Variants in OTOGL observed in about 807,000 individuals in gnomAD.
OTOGL encodes otogelin like.
A neutral mutation model predicts 318.5 loss-of-function variants in OTOGL; 285 were observed. The ratio of observed to expected loss-of-function variants is 0.89; its 90% CI spans 0.81 to 0.99. The LOEUF (loss-of-function observed/expected upper bound fraction) is 0.99, where lower values mean the gene tolerates loss of function less well. OTOGL is among the 50% of genes least tolerant of loss of function. OTOGL has a pLI of 0.00. For missense variants in OTOGL, 2,899 were observed against 2,845.6 expected (o/e 1.02, Z -0.43); for synonymous variants, 987 against 936.5 (o/e 1.05, Z -0.99).
chr12:80,312,897 C>T (rs1452798177), intron 30 of OTOGL, among the ~76,000 whole-genome samples: 9 of 152,074 alleles, frequency 5.9e-5, no homozygotes, highest in African/African-American at 1.9e-4. Context: ...CTGCAACCTC[C>T]GCCTCCCGGG....
intron 1 of OTOGL, among the ~76,000 whole-genome samples, chr12:80,146,917 T>TG (rs1872414057): frequency 2.3e-5 from 1 of 44,040 alleles, no homozygotes; most frequent in African/African-American, 9.3e-5. Context: ...CCTTTTATCA[T>TG]TTTTTATTGT....
intron 11 of OTOGL, among the ~76,000 whole-genome samples, chr12:80,249,936 G>A (rs12313864): frequency 0.045 from 6,777 of 151,698 alleles, 518 homozygotes; most frequent in African/African-American, 0.16. Context: ...TTCCAGGTGC[G>A]TCCGTCAGCC....
At chr12:80,126,586 G>A (rs1017411441) in intron 1 of OTOGL, among the ~76,000 whole-genome samples, 25 of 152,104 alleles carry the variant, frequency 1.6e-4, no homozygotes, top group Non-Finnish European at 3.4e-4. Flanking sequence ...TTCAATTCCT[G>A]GGTATCCTTG....
chr12:80,279,058 A>G lies in OTOGL; in HGVS notation c.2820A>G (p.Thr940=). The change falls in exon 26 of 59, where the codon ACA becomes ACG. Residue 940 remains threonine (T), a synonymous_variant. Transcript: ENST00000547103. ...GTCGACGAGGAATGTTCAATTGCACATATTATCCATGCCCAGCAGTGTGCA... is the reference window on the plus strand; with the variant it reads ...GTCGACGAGGAATGTTCAATTGCACGTATTATCCATGCCCAGCAGTGTGCA... ...CVCRRGMFNC[T]YYPCPAVCTI... 1.9e-6 allele frequency: 3 copies of G among 1,595,464 alleles called. No homozygotes were observed. Among genetic ancestry groups the G allele is most frequent in the Admixed American group, 1.7e-5 (1 of 59,700 alleles).
intron 1 of OTOGL, among the ~76,000 whole-genome samples, chr12:80,146,747 G>A (rs1303981747): frequency 2.6e-5 from 4 of 151,494 alleles, no homozygotes; most frequent in Non-Finnish European, 5.9e-5. Context: ...CCTGTTATTG[G>A]TCTATTCAGA....
chr12:80,271,472 C>A (rs904335919), intron 23 of OTOGL, among the ~76,000 whole-genome samples, 176 bp from the exon 24 acceptor site: 6 of 151,914 alleles, frequency 3.9e-5, no homozygotes, highest in Non-Finnish European at 7.4e-5. Flanking sequence ...ATAAAAATAT[C>A]TTGTTTTTTG....
intron 13 of OTOGL, 85 bp downstream of exon 13, chr12:80,252,286 C>T (rs892073241): frequency 1.4e-6 from 2 of 1,396,678 alleles, no homozygotes; most frequent in Non-Finnish European, 1.9e-6. Context: ...TTTTGCTGTC[C>T]TTTCCCAGTA....
intron 1 of OTOGL, among the ~76,000 whole-genome samples, chr12:80,191,727 G>C (rs184303840): frequency 6.6e-6 from 1 of 152,314 alleles, no homozygotes. Context: ...CATTGTAACA[G>C]AAAGAATGAT....
At chr12:80,307,381 C>A in intron 29 of OTOGL, among the ~76,000 whole-genome samples, 1 of 149,762 alleles carries the variant, frequency 6.7e-6, no homozygotes, top group East Asian at 2.0e-4. Flanking sequence ...CCAGTAGGCG[C>A]GGCCGGGCAG....
intron 1 of OTOGL, among the ~76,000 whole-genome samples, chr12:80,116,565 C>A (rs1364390735): frequency 2.0e-5 from 3 of 152,122 alleles, no homozygotes; most frequent in Non-Finnish European, 4.4e-5. Context: ...TTACAACCAA[C>A]CTTTGTTGAG....
At chr12:80,321,513 C>T (rs1408402637) in intron 34 of OTOGL, among the ~76,000 whole-genome samples, 1 of 152,020 alleles carries the variant, frequency 6.6e-6, no homozygotes, top group Non-Finnish European at 1.5e-5. Context: ...CAACATCGCA[C>T]ATGTATACAT....
At chr12:80,321,446 A>T (rs969197131) in intron 34 of OTOGL, among the ~76,000 whole-genome samples, 5 of 152,196 alleles carry the variant, frequency 3.3e-5, no homozygotes, top group African/African-American at 9.6e-5. Flanking sequence ...TTTAAACAGT[A>T]CAAATTGAGC....
chr12:80,337,472 A>T (rs914606233), intron 42 of OTOGL, among the ~76,000 whole-genome samples: 5 of 152,144 alleles, frequency 3.3e-5, no homozygotes, highest in African/African-American at 4.8e-5. Flanking sequence ...TAGCTAACAT[A>T]AGAAAAATAT....
At chr12:80,104,318 A>G (rs575710310) in intron 1 of OTOGL, among the ~76,000 whole-genome samples, 1 of 152,340 alleles carries the variant, frequency 6.6e-6, no homozygotes, top group South Asian at 2.1e-4. Flanking sequence ...AATGCTTAGA[A>G]AAGCCACATA....
Position 80,239,415 on chromosome 12 carries a change from C to T in OTOGL, c.1028C>T (p.Ala343Val). 6.3e-7 allele frequency: 1 copy of T among 1,599,112 alleles called. No individual in the cohort carries two copies. The highest frequency in any genetic ancestry group is 2.2e-5 in the East Asian group (1 of 44,580). ...HEYIDPYLYI[A>V]SCVNDLCKTD... is the part of the protein sequence containing the mutation. ...TATATCGATCCATACTTATATATTG[C>T]CAGCTGTGTTAATGATCTTTGCAAG... Residue 343 changes from alanine to valine, a missense_variant, in exon 11 of 59, where the codon GCC becomes GTC. Physicochemically the swap from Ala to Val is moderately conservative, Grantham distance 64. This residue lies in a region of OTOGL where 2,607 missense variants were observed against 2,524.9 expected (regional missense o/e 1.03). Coordinates refer to ENST00000547103, the MANE Select transcript of OTOGL (RefSeq NM_001378609.3).
chr12:80,226,518 A>G (rs1377534420), intron 7 of OTOGL, among the ~76,000 whole-genome samples: 1 of 151,992 alleles, frequency 6.6e-6, no homozygotes, highest in African/African-American at 2.4e-5. Flanking sequence ...TCATGAGACA[A>G]TCCTTCCTCA....
rs550367038 is a variant in OTOGL, at chr12:80,152,435, G to A, written c.-20+52830G>A. ...CCCAAATTTCAGCTCGAAGCTGAAA[G>A]GTCAGAGGTACTAAAACTAATAGTG... On this transcript the variant is annotated intron_variant, in intron 1 of 58. Coordinates refer to ENST00000547103, the MANE Select transcript of OTOGL (RefSeq NM_001378609.3). Among the ~76,000 whole-genome samples, 201 of 152,238 alleles carry A rather than the reference G, an allele frequency of 1.3e-3. 1 individual carries two copies. Among genetic ancestry groups the A allele is most frequent in the Non-Finnish European group, 2.6e-3 (178 of 68,000 alleles).
At chr12:80,188,394 C>T (rs528054083) in intron 1 of OTOGL, among the ~76,000 whole-genome samples, 11 of 151,684 alleles carry the variant, frequency 7.3e-5, no homozygotes, top group African/African-American at 2.7e-4. Context: ...AAAAATTAGC[C>T]GGGTGTGGTG....
chr12:80,241,902 G>A (rs1436778489), intron 11 of OTOGL, among the ~76,000 whole-genome samples: 1 of 151,916 alleles, frequency 6.6e-6, no homozygotes, highest in Non-Finnish European at 1.5e-5. Context: ...GGCCCAAACT[G>A]CATCACCACT....
Sources: gnomAD v4.1 joint callset for allele counts (sites outside exome capture counted in the v4.1 genomes callset) on GRCh38, gnomAD v4.1.1 for gene constraint, gnomAD v4.1.1 regional missense constraint, MANE v1.5 for transcripts, NCBI Gene and HGNC (gene_info 2026-07-23, HGNC 2026-07-21) for gene names.